Variants in LRRC69 observed in about 807,000 individuals in gnomAD.
LRRC69 encodes the protein leucine-rich repeat-containing protein 69.
A neutral mutation model predicts 37.8 loss-of-function variants in LRRC69; 42 were observed. The ratio of observed to expected loss-of-function variants is 1.11; its 90% CI spans 0.87 to 1.44. The LOEUF (loss-of-function observed/expected upper bound fraction) is 1.44. Ranked by LOEUF, LRRC69 falls within the 40% of genes most tolerant of loss-of-function variation. The pLI is 0.00. For synonymous variants in LRRC69, 141 were observed against 143.1 expected (o/e 0.99, Z 0.11); for missense variants, 357 against 401.9 (o/e 0.89, Z 0.96).
intron 5 of LRRC69, among the ~76,000 whole-genome samples, chr8:91,176,137 T>A (rs1185235597): frequency 2.2e-5 from 3 of 137,032 alleles, no homozygotes; most frequent in Admixed American, 7.1e-5. Flanking sequence ...TATATATATT[T>A]TTTTTTTTTC....
chr8:91,182,213 A>G (rs951491083), intron 5 of LRRC69, among the ~76,000 whole-genome samples: 8 of 152,098 alleles, frequency 5.3e-5, no homozygotes, highest in Non-Finnish European at 1.5e-5. Flanking sequence ...GCACATTTCT[A>G]TGTTTTGTTT....
Position 91,103,319 on chromosome 8 carries a change from ATG to A in LRRC69, c.183+476_183+477del, listed in dbSNP as rs1409351701. On this transcript the variant is annotated intron_variant, in intron 1 of 7. Coordinates refer to ENST00000448384, the Ensembl canonical transcript of LRRC69. ...TCCTAGGGCAGGCTGAAACTTTGAA[ATG>A]GAGTGTTGGCAGGGAATAGGAAGGA... Among the ~76,000 whole-genome samples the A allele has an allele frequency of 1.5e-3, 225 of 152,012 alleles. 5 individuals are homozygous for A. The highest frequency in any genetic ancestry group is 3.1e-3 in the Admixed American group (47 of 15,234).
At chr8:91,160,068 A>C (rs1462576798) in intron 5 of LRRC69, among the ~76,000 whole-genome samples, 1 of 151,180 alleles carries the variant, frequency 6.6e-6, no homozygotes, top group Non-Finnish European at 1.5e-5. Flanking sequence ...TTCTTTTAGC[A>C]GTATTTTGTA....
intron 6 of LRRC69, among the ~76,000 whole-genome samples, chr8:91,198,958 A>G (rs1348417836): frequency 5.3e-5 from 8 of 152,206 alleles, no homozygotes; most frequent in Admixed American, 5.2e-4. Context: ...AAATATAAAT[A>G]ATAGTTGATG....
intron 2 of LRRC69, among the ~76,000 whole-genome samples, chr8:91,126,515 C>T (rs1813715691): frequency 6.6e-6 from 1 of 152,006 alleles, no homozygotes; most frequent in Non-Finnish European, 1.5e-5. Context: ...CAGTTGCGTT[C>T]CCATATGACA....
At chr8:91,153,582 A>C (rs1348767169) in intron 5 of LRRC69, among the ~76,000 whole-genome samples, 1 of 151,980 alleles carries the variant, frequency 6.6e-6, no homozygotes. Context: ...ACACAACTAC[A>C]TGGAAATTGA....
At chr8:91,138,936 C>T (rs1215035883) in intron 5 of LRRC69, 1 of 151,528 alleles carries the variant, frequency 6.6e-6, no homozygotes, top group East Asian at 1.9e-4. Context: ...TTTAGTGGTA[C>T]ACCCTGTGGT....
At chr8:91,139,814 C>T (rs1266035665) in intron 5 of LRRC69, among the ~76,000 whole-genome samples, 1 of 151,542 alleles carries the variant, frequency 6.6e-6, no homozygotes, top group Non-Finnish European at 1.5e-5. Flanking sequence ...TCTGGCCAGG[C>T]GCGGTGGCTT....
intron 7 of LRRC69, among the ~76,000 whole-genome samples, chr8:91,207,256 A>T (rs185898611): frequency 2.6e-5 from 4 of 152,342 alleles, no homozygotes; most frequent in Non-Finnish European, 4.4e-5. Flanking sequence ...CATCCTGTCA[A>T]ATGGCAATAA....
chr8:91,176,818 C>T (rs1809240152), intron 5 of LRRC69, among the ~76,000 whole-genome samples: 1 of 151,822 alleles, frequency 6.6e-6, no homozygotes, highest in Admixed American at 6.6e-5. Context: ...CAATCTGCTT[C>T]ATTCAGTTCA....
chr8:91,157,289 C>G (rs889649984), intron 5 of LRRC69: 1 of 1,605,172 alleles, frequency 6.2e-7, no homozygotes, highest in African/African-American at 1.3e-5. Flanking sequence ...ACAGGTGTGC[C>G]TCCTTCAGCT....
At chr8:91,159,280 C>T (rs769947365) in intron 5 of LRRC69, among the ~76,000 whole-genome samples, 1 of 151,116 alleles carries the variant, frequency 6.6e-6, no homozygotes, top group African/African-American at 2.4e-5. Flanking sequence ...GTCTAAAGGA[C>T]GTTATCTGGA....
intron 7 of LRRC69, among the ~76,000 whole-genome samples, chr8:91,204,189 C>A (rs528012116): frequency 1.2e-4 from 18 of 151,804 alleles, no homozygotes; most frequent in African/African-American, 4.1e-4. Context: ...AATCTCTGCT[C>A]TCCCTGTTTA....
At chr8:91,117,437 A>G (rs1276618616) in intron 1 of LRRC69, among the ~76,000 whole-genome samples, 3 of 151,920 alleles carry the variant, frequency 2.0e-5, no homozygotes, top group Non-Finnish European at 1.5e-5. Flanking sequence ...TTTGGCCGCC[A>G]TAGGTTTATG....
intron 5 of LRRC69, among the ~76,000 whole-genome samples, chr8:91,155,135 GA>G (rs1450085366): frequency 2.0e-5 from 3 of 151,386 alleles, no homozygotes; most frequent in African/African-American, 4.8e-5. Flanking sequence ...TTGCTACAAA[GA>G]GATTAAAATA....
rs1186919194 is a variant in LRRC69 at position 91,140,948 on chromosome 8, C to G, written c.651+5209C>G. ...GATTACAGGCGTGAGCCACCGCGCC[C>G]GGCCTCAATATGTGATTTTTAATCA... On this transcript the variant is annotated intron_variant, in intron 5 of 7. Transcript: ENST00000448384. Among the ~76,000 whole-genome samples, 9 of 17,196 alleles carry G rather than the reference C, an allele frequency of 5.2e-4. 4 individuals carry two copies. Among genetic ancestry groups the G allele is most frequent in the Non-Finnish European group, 1.3e-3 (9 of 6,786 alleles). The allele number at this position is 17,196 out of a possible 152,430, so 11.3% of individuals were successfully genotyped here. A position where few individuals can be genotyped will look rare whatever the true frequency, so the allele number is the denominator to read the frequency against.
At chr8:91,174,756 G>C (rs1448616240) in intron 5 of LRRC69, among the ~76,000 whole-genome samples, 1 of 152,220 alleles carries the variant, frequency 6.6e-6, no homozygotes, top group Non-Finnish European at 1.5e-5. Context: ...GCCTTTTGTA[G>C]AGTCTGGTTA....
chr8:91,141,045 G>T (rs1808523078), intron 5 of LRRC69, among the ~76,000 whole-genome samples: 1 of 152,008 alleles, frequency 6.6e-6, no homozygotes, highest in Non-Finnish European at 1.5e-5. Flanking sequence ...GCTGGAATTA[G>T]AATTGGATTT....
At chr8:91,189,169 T>C (rs1453277743) in intron 5 of LRRC69, among the ~76,000 whole-genome samples, 1 of 152,196 alleles carries the variant, frequency 6.6e-6, no homozygotes, top group Non-Finnish European at 1.5e-5. Context: ...GGTTTTCTAA[T>C]AAATATATTT....
Sources: allele counts gnomAD v4.1 joint callset (sites outside exome capture counted in the v4.1 genomes callset), GRCh38; gene constraint gnomAD v4.1.1; transcripts MANE v1.5; gene names NCBI Gene and HGNC (gene_info 2026-07-23, HGNC 2026-07-21).